Variants in RPS6KC1 observed in about 807,000 individuals in gnomAD.
RPS6KC1 encodes inactive ribosomal protein S6 kinase delta-1.
RPS6KC1 carries 54 observed loss-of-function variants against 103.8 expected under a neutral mutation model. The observed-to-expected ratio is 0.52, with a 90% CI of 0.42 to 0.65. The LOEUF (loss-of-function observed/expected upper bound fraction) is 0.65. Ranked by LOEUF, RPS6KC1 falls within the 30% of genes least tolerant of loss-of-function variation. RPS6KC1 has a pLI of 0.00. For missense variants in RPS6KC1, 1,151 were observed against 1,253.8 expected, an observed-to-expected ratio of 0.92 and a Z score of 1.24; for synonymous variants, 439 against 438.7, an observed-to-expected ratio of 1.00 and a Z score of -0.01.
intron 6 of RPS6KC1, among the ~76,000 whole-genome samples, chr1:213,151,665 T>G (rs2088955342): frequency 1.4e-5 from 1 of 71,930 alleles, no homozygotes; most frequent in Non-Finnish European, 2.6e-5. Context: ...CACTTCCCAG[T>G]AGGGGCGGCC....
the RPS6KC1 span, among the ~76,000 whole-genome samples, chr1:213,606,991 C>G: frequency 6.6e-6 from 1 of 152,160 alleles, no homozygotes; most frequent in African/African-American, 2.4e-5. Context: ...CAGGATCCAC[C>G]TGGGTTTGCC....
the RPS6KC1 span, among the ~76,000 whole-genome samples, chr1:213,538,051 G>T: frequency 6.6e-6 from 1 of 152,192 alleles, no homozygotes; most frequent in Admixed American, 6.5e-5. Flanking sequence ...CCATCAGGAG[G>T]GACTGGAACT....
chr1:213,207,783 C>A (rs540132139), intron 8 of RPS6KC1, among the ~76,000 whole-genome samples: 1 of 152,228 alleles, frequency 6.6e-6, no homozygotes, highest in South Asian at 2.1e-4. Context: ...AAGTGATTCT[C>A]CTGCCTCAGG....
chr1:213,582,063 A>C, the RPS6KC1 span, among the ~76,000 whole-genome samples: 1 of 147,778 alleles, frequency 6.8e-6, no homozygotes, highest in South Asian at 2.1e-4. Context: ...GTTCCTAAAA[A>C]CTTTGGCTCT....
chr1:213,703,528 C>T, the RPS6KC1 span, among the ~76,000 whole-genome samples: 2 of 152,132 alleles, frequency 1.3e-5, no homozygotes, highest in East Asian at 3.9e-4. Context: ...TCTTATAGGA[C>T]ATGTCTGGTG....
chr1:213,536,939 C>T, the RPS6KC1 span, among the ~76,000 whole-genome samples: 5 of 152,098 alleles, frequency 3.3e-5, no homozygotes, highest in South Asian at 2.1e-4. Context: ...AGAATTGGTC[C>T]GGTGGTGGTG....
At chr1:213,388,051 C>T in the RPS6KC1 span, among the ~76,000 whole-genome samples, 1 of 152,256 alleles carries the variant, frequency 6.6e-6, no homozygotes, top group African/African-American at 2.4e-5. Context: ...TGAGTTGTCC[C>T]CCCAACTGCT....
chr1:213,336,026 G>A, the RPS6KC1 span, among the ~76,000 whole-genome samples: 10 of 152,240 alleles, frequency 6.6e-5, no homozygotes, highest in East Asian at 5.8e-4. Flanking sequence ...GTAATTTCAC[G>A]AATTCAAAGT....
At chr1:213,367,103 C>T in the RPS6KC1 span, among the ~76,000 whole-genome samples, 3 of 152,326 alleles carry the variant, frequency 2.0e-5, no homozygotes, top group South Asian at 2.1e-4. Context: ...TTCAGTTCCT[C>T]GGCATCCCTC....
chr1:213,113,347 T>A lies in RPS6KC1; in HGVS notation c.379-3970T>A, dbSNP rs796765472. Among the ~76,000 whole-genome samples the A allele has an allele frequency of 3.3e-5, 5 of 152,200 alleles. No individual in the cohort carries two copies. In the South Asian group the frequency reaches 8.3e-4, roughly 25 times the overall value. On this transcript the variant is annotated intron_variant, in intron 4 of 14. Coordinates refer to ENST00000366960, the MANE Select transcript of RPS6KC1 (RefSeq NM_012424.6). ...AGCATTTTTTCATGTGTTTTTTGGC[T>A]GCATAAATGTCTTCTTTTGAGAAGT...
the RPS6KC1 span, among the ~76,000 whole-genome samples, chr1:213,758,211 C>A: frequency 2.0e-5 from 3 of 152,094 alleles, no homozygotes; most frequent in Non-Finnish European, 4.4e-5. Context: ...GATAGTGATT[C>A]CTCTGATGGA....
At chr1:213,104,083 A>G (rs1305470559) in intron 3 of RPS6KC1, among the ~76,000 whole-genome samples, 1 of 152,248 alleles carries the variant, frequency 6.6e-6, no homozygotes, top group Non-Finnish European at 1.5e-5. Flanking sequence ...GGAAAATTAT[A>G]TGAGTAATTA....
chr1:213,506,218 T>C, the RPS6KC1 span, among the ~76,000 whole-genome samples: 1 of 152,222 alleles, frequency 6.6e-6, no homozygotes, highest in South Asian at 2.1e-4. Context: ...CCTACTTTTG[T>C]ACCTGGTTTT....
the RPS6KC1 span, among the ~76,000 whole-genome samples, chr1:213,408,704 T>A: frequency 6.6e-6 from 1 of 152,258 alleles, no homozygotes; most frequent in Non-Finnish European, 1.5e-5. Context: ...CAGTTCATTC[T>A]CTGTTTCTCC....
chr1:213,242,154 T>C lies in RPS6KC1; in HGVS notation c.2678T>C (p.Leu893Ser). 6.2e-7 allele frequency: 1 copy of C among 1,613,794 alleles called. No individual in the cohort carries two copies. The highest frequency in any genetic ancestry group is 8.5e-7 in the Non-Finnish European group (1 of 1,179,832). The stretch of plus-strand genomic sequence containing the variant: ...ATTTTTGAGGACCTTGATAAAAAAT[T>C]AGCACTAGCCTCCAGGTTTTACATC... The part of the protein sequence containing the change: ...HQIFEDLDKK[L>S]ALASRFYIPE... Residue 893 changes from leucine to serine, a missense_variant, in exon 11 of 15, where the codon TTA becomes TCA. By Grantham distance (145) the Leu-to-Ser change is moderately radical (BLOSUM62 -2). Transcript: ENST00000366960.
chr1:213,483,261 C>T, the RPS6KC1 span, among the ~76,000 whole-genome samples: 1 of 152,220 alleles, frequency 6.6e-6, no homozygotes, highest in East Asian at 1.9e-4. Context: ...CCCCATGATT[C>T]AATTACCACC....
chr1:213,547,797 T>C, the RPS6KC1 span, among the ~76,000 whole-genome samples: 1 of 152,314 alleles, frequency 6.6e-6, no homozygotes, highest in South Asian at 2.1e-4. Context: ...GTGGAAACGA[T>C]CTAAGACTCT....
the RPS6KC1 span, among the ~76,000 whole-genome samples, chr1:213,548,857 C>A: frequency 1.3e-5 from 2 of 151,968 alleles, no homozygotes; most frequent in Non-Finnish European, 2.9e-5. Context: ...TTATTGTATT[C>A]AATATATATT....
At chr1:213,710,537 G>T in the RPS6KC1 span, among the ~76,000 whole-genome samples, 1 of 152,148 alleles carries the variant, frequency 6.6e-6, no homozygotes, top group African/African-American at 2.4e-5. Flanking sequence ...ATTGTTATGT[G>T]TGAATTTGAT....
Sources: gnomAD v4.1 joint callset for allele counts (sites outside exome capture counted in the v4.1 genomes callset) on GRCh38, gnomAD v4.1.1 for gene constraint, MANE v1.5 for transcripts, NCBI Gene and HGNC (gene_info 2026-07-23, HGNC 2026-07-21) for gene names.